COG5: variants seen among roughly 807,000 people sequenced by gnomAD.
COG5 encodes the protein component of oligomeric golgi complex 5.
Under a neutral mutation model 110.4 loss-of-function variants are expected in COG5, and 86 were observed. The observed-to-expected ratio is 0.78, with a 90% CI of 0.65 to 0.93. COG5 has a LOEUF of 0.93. Ranked by LOEUF, COG5 falls within the 40% of genes least tolerant of loss-of-function variation. COG5 has a pLI of 0.00. For synonymous variants in COG5, 360 were observed against 334.6 expected (o/e 1.08, Z -0.83); for missense variants, 1,077 against 987.0 (o/e 1.09, Z -1.22).
chr7:107,511,463 C>T (rs557937374), intron 6 of COG5, among the ~76,000 whole-genome samples: 5 of 152,088 alleles, frequency 3.3e-5, no homozygotes. Flanking sequence ...TTCTACCAGA[C>T]GTACAAGGAG....
At chr7:107,322,797 A>G (rs1809421559) in intron 11 of COG5, among the ~76,000 whole-genome samples, 1 of 152,232 alleles carries the variant, frequency 6.6e-6, no homozygotes, top group South Asian at 2.1e-4. Context: ...AACTTTATTC[A>G]TAATAATCCA....
chr7:107,224,979 A>G (rs750672694), intron 19 of COG5, among the ~76,000 whole-genome samples: 1 of 152,376 alleles, frequency 6.6e-6, no homozygotes, highest in Non-Finnish European at 1.5e-5. Flanking sequence ...TCAAGAAGAA[A>G]GTGCCCCCTG....
intron 6 of COG5, among the ~76,000 whole-genome samples, chr7:107,516,365 G>C (rs1468190304): frequency 2.6e-5 from 4 of 152,146 alleles, no homozygotes; most frequent in Admixed American, 2.6e-4. Flanking sequence ...CTGGATGCAA[G>C]TCCTCTATCA....
chr7:107,457,729 C>T (rs1795754158), intron 6 of COG5, among the ~76,000 whole-genome samples: 1 of 151,954 alleles, frequency 6.6e-6, no homozygotes, highest in African/African-American at 2.4e-5. Context: ...TGCGCCCGGC[C>T]TAAAATAGGA....
At chr7:107,297,998 T>C (rs920056036) in intron 12 of COG5, 144 bp downstream of exon 12, 7 of 347,072 alleles carry the variant, frequency 2.0e-5, no homozygotes, top group African/African-American at 1.5e-4. Context: ...TCTTGCAAAG[T>C]CTTTTAAGGT....
chr7:107,362,502 A>T, intron 8 of COG5, 82 bp from the exon 9 acceptor site: 1 of 843,482 alleles, frequency 1.2e-6, no homozygotes, highest in Non-Finnish European at 1.9e-6. Flanking sequence ...TAAAAACCAT[A>T]CGCAAGCTAA....
intron 6 of COG5, among the ~76,000 whole-genome samples, chr7:107,480,160 A>T (rs1797250721): frequency 1.3e-5 from 2 of 152,202 alleles, no homozygotes; most frequent in East Asian, 1.9e-4. Context: ...AAATCATGTT[A>T]GAAAATTCAC....
At chr7:107,523,683 T>C (rs569323095) in intron 6 of COG5, among the ~76,000 whole-genome samples, 1 of 152,160 alleles carries the variant, frequency 6.6e-6, no homozygotes, top group East Asian at 1.9e-4. Flanking sequence ...GGCATGGTGG[T>C]GGGCGCCTGT....
At chr7:107,434,821 T>C (rs1397762406) in intron 6 of COG5, among the ~76,000 whole-genome samples, 1 of 151,704 alleles carries the variant, frequency 6.6e-6, no homozygotes, top group Admixed American at 6.6e-5. Flanking sequence ...ATACAAAAAA[T>C]TAGTTGGATG....
intron 19 of COG5, among the ~76,000 whole-genome samples, chr7:107,220,911 A>G (rs1398968514): frequency 2.1e-5 from 3 of 143,808 alleles, no homozygotes; most frequent in African/African-American, 7.9e-5. Context: ...TCTGCCTCCC[A>G]GGTTCAAGCG....
At chr7:107,317,975 T>C (rs1319169436) in intron 11 of COG5, among the ~76,000 whole-genome samples, 5 of 152,316 alleles carry the variant, frequency 3.3e-5, no homozygotes, top group South Asian at 4.1e-4. Context: ...TCGGAAGATA[T>C]AATGGTTAAA....
intron 7 of COG5, among the ~76,000 whole-genome samples, chr7:107,394,109 C>T (rs1474176599): frequency 1.3e-5 from 2 of 151,808 alleles, no homozygotes; most frequent in Non-Finnish European, 2.9e-5. Flanking sequence ...CTACAGGCAC[C>T]CGCCACCACG....
At chr7:107,538,319 C>G (rs1051032793) in intron 5 of COG5, among the ~76,000 whole-genome samples, 1 of 152,194 alleles carries the variant, frequency 6.6e-6, no homozygotes, top group Non-Finnish European at 1.5e-5. Flanking sequence ...AAATAGCACA[C>G]CTGGTCTGAC....
chr7:107,527,857 G>A (rs548846703), intron 5 of COG5, among the ~76,000 whole-genome samples: 1 of 152,200 alleles, frequency 6.6e-6, no homozygotes, highest in South Asian at 2.1e-4. Context: ...CCAATGCCCA[G>A]GCCACAGCCC....
At chr7:107,415,996 A>G (rs202119184) in intron 6 of COG5, among the ~76,000 whole-genome samples, 3,751 of 103,984 alleles carry the variant, frequency 0.036, 471 homozygotes, top group African/African-American at 0.11. Flanking sequence ...ATATGTGTGT[A>G]TATATACACA....
rs1327677861 is a variant in COG5 at position 107,474,654 on chromosome 7, C to G, written c.538+52583G>C. On this transcript the variant is annotated intron_variant, in intron 6 of 21. Coordinates refer to ENST00000297135, the MANE Select transcript of COG5 (RefSeq NM_006348.5). The surrounding 1 kb of genome is among the most constrained non-coding windows in gnomAD (Gnocchi z 5.7). ...GGGAAAACAAGACACTTTTATGTGTCAGTACAAATGAATACTACACTGAAC... is the reference window on the plus strand; with the variant it reads ...GGGAAAACAAGACACTTTTATGTGTGAGTACAAATGAATACTACACTGAAC... 6.2e-7 allele frequency: 1 copy of G among 1,608,734 alleles called. No individual in the cohort carries two copies. Among genetic ancestry groups the G allele is most frequent in the Non-Finnish European group, 8.5e-7 (1 of 1,175,756 alleles).
In COG5 at chr7:107,441,501, G is replaced by A. The variant is rs535236326; in HGVS notation, c.539-28869C>T. Among the ~76,000 whole-genome samples the A allele has an allele frequency of 2.6e-5, 4 of 152,194 alleles. No individual in the cohort carries two copies. In the East Asian group the frequency reaches 7.7e-4, roughly 29 times the overall value. ...CATAAAGGAGAGAGCAGAAATAAAG[G>A]TGTGCATTCAATCCAATGTTTGACC... is the stretch of plus-strand genomic sequence containing the variant. On this transcript the variant is annotated intron_variant, in intron 6 of 21. Transcript: ENST00000297135.
chr7:107,484,478 C>A (rs974713114), intron 6 of COG5, among the ~76,000 whole-genome samples: 3 of 152,102 alleles, frequency 2.0e-5, no homozygotes, highest in African/African-American at 7.2e-5. Flanking sequence ...ATTAAAAACT[C>A]CCTAGATGCT....
chr7:107,510,512 AC>A, intron 6 of COG5, among the ~76,000 whole-genome samples: 1 of 152,294 alleles, frequency 6.6e-6, no homozygotes, highest in South Asian at 2.1e-4. Context: ...TAAAAAGGAT[AC>A]CCAGGAATTG....
Sources: gnomAD v4.1 joint callset for allele counts (sites outside exome capture counted in the v4.1 genomes callset) on GRCh38, gnomAD v4.1.1 for gene constraint, Gnocchi (gnomAD v3.1) non-coding constraint, MANE v1.5 for transcripts, NCBI Gene and HGNC (gene_info 2026-07-23, HGNC 2026-07-21) for gene names.